SP4: variants seen among roughly 807,000 people sequenced by gnomAD.
SP4 encodes Sp4 transcription factor, also known as transcription factor Sp4.
A neutral mutation model predicts 72.8 loss-of-function variants in SP4; 19 were observed. That is an observed-to-expected ratio of 0.26 (90% CI 0.18 to 0.38). The LOEUF is 0.38. SP4 is among the 10% of genes least tolerant of loss of function. The pLI is 1.00. For synonymous variants in SP4, 395 were observed against 333.1 expected, an observed-to-expected ratio of 1.19 and a Z score of -2.02; for missense variants, 1,008 against 926.3, an observed-to-expected ratio of 1.09 and a Z score of -1.14.
At chr7:21,498,201 T>A (rs1781773176) in intron 5 of SP4, among the ~76,000 whole-genome samples, 1 of 151,998 alleles carries the variant, frequency 6.6e-6, no homozygotes, top group Non-Finnish European at 1.5e-5. Context: ...CTGTAAAAAA[T>A]AATACAAATT....
intron 2 of SP4, 144 bp downstream of exon 2, chr7:21,428,936 T>C: frequency 1.4e-6 from 1 of 698,926 alleles, no homozygotes; most frequent in East Asian, 2.8e-5. Flanking sequence ...AAATTGTAAA[T>C]TCATCAAGTT....
At chr7:21,435,814 C>T (rs1410411812) in intron 3 of SP4, among the ~76,000 whole-genome samples, 1 of 150,812 alleles carries the variant, frequency 6.6e-6, no homozygotes, top group Admixed American at 6.6e-5. Flanking sequence ...GAAAAGTACT[C>T]AAAGTAGAGC....
At chr7:21,506,153 A>G (rs1781993344) in intron 5 of SP4, among the ~76,000 whole-genome samples, 1 of 152,126 alleles carries the variant, frequency 6.6e-6, no homozygotes, top group Admixed American at 6.5e-5. Flanking sequence ...ATTTTCTTAA[A>G]TATTGGAACC....
In SP4 at chr7:21,430,256, C is replaced by A. The variant is rs1306598544; in HGVS notation, c.1091C>A (p.Thr364Lys). The change falls in exon 3 of 6, where the codon ACA becomes AAA. Residue 364 changes from threonine to lysine, a missense_variant. By Grantham distance (78) the Thr-to-Lys change is moderately conservative. This residue lies in a region of SP4 where 893 missense variants were observed against 743.3 expected (regional missense o/e 1.20). Transcript: ENST00000222584. ...GAACGCACCATTGAAGAATCTCAAA[C>A]ACCTGCTGCTACTGAGTCTGAAGCC... ...SSERTIEESQTPAATESEAQS... is the reference protein window; with the variant it reads ...SSERTIEESQKPAATESEAQS... The A allele has an allele frequency of 1.2e-6, 2 of 1,614,110 alleles. No individual in the cohort carries two copies. The highest frequency in any genetic ancestry group is 2.7e-5 in the African/African-American group (2 of 74,930).
chr7:21,429,287 A>C lies in SP4; in HGVS notation c.124-2A>C. On this transcript the variant is annotated splice_acceptor_variant, in intron 2 of 5. Transcript: ENST00000222584. LOFTEE classifies it high-confidence loss of function. Reference sequence around the variant, plus strand: ...TCTCCTTTACCGTCCCATTTTGGGTAGGACTCTCAGCCCTCTCCTCTGGCT... The same window carrying C: ...TCTCCTTTACCGTCCCATTTTGGGTCGGACTCTCAGCCCTCTCCTCTGGCT... The C allele has an allele frequency of 7.4e-7, 1 of 1,342,716 alleles. No homozygotes were observed. Among genetic ancestry groups the C allele is most frequent in the Non-Finnish European group, 1.0e-6 (1 of 969,022 alleles). The allele number at this position is 1,342,716 out of a possible 1,614,324, so 83.2% of individuals were successfully genotyped here.
At chr7:21,462,027 GTTT>G (rs773196151) in intron 3 of SP4, among the ~76,000 whole-genome samples, 2 of 132,816 alleles carry the variant, frequency 1.5e-5, no homozygotes, top group Admixed American at 7.6e-5. Flanking sequence ...TTTAGTTTTA[GTTT>G]TTTTTTTTTT....
chr7:21,464,740 A>G (rs548136854), intron 3 of SP4, among the ~76,000 whole-genome samples: 35 of 152,218 alleles, frequency 2.3e-4, no homozygotes, highest in East Asian at 3.9e-4. Context: ...TAGGCTTCCA[A>G]TTGCAGACTT....
intron 3 of SP4, among the ~76,000 whole-genome samples, chr7:21,440,854 C>T (rs1783220069): frequency 1.9e-5 from 1 of 53,506 alleles, no homozygotes; most frequent in African/African-American, 1.3e-4. Flanking sequence ...TGTCTCAAAA[C>T]AACAACAACA....
intron 4 of SP4, among the ~76,000 whole-genome samples, chr7:21,480,668 A>G (rs1279394081): frequency 6.6e-6 from 1 of 152,154 alleles, no homozygotes; most frequent in African/African-American, 2.4e-5. Context: ...TTTCCCAAGA[A>G]TCTCAATATT....
At position 21,464,741 on chromosome 7, in the gene SP4, T is replaced by G. The variant is rs75821151; in HGVS notation, c.1679-12338T>G. On this transcript the variant is annotated intron_variant, in intron 3 of 5. Transcript: ENST00000222584. ...CCTCACAACCTTCATAGGCTTCCAA[T>G]TGCAGACTTTTCAAGTTATAAAAAC... Among the ~76,000 whole-genome samples the G allele has an allele frequency of 2.2e-3, 335 of 152,228 alleles. 4 individuals are homozygous for G. Among genetic ancestry groups the G allele is most frequent in the African/African-American group, 7.4e-3 (309 of 41,548 alleles).
intron 2 of SP4, among the ~76,000 whole-genome samples, chr7:21,429,073 A>C (rs1782735700): frequency 6.6e-6 from 1 of 152,186 alleles, no homozygotes; most frequent in African/African-American, 2.4e-5. Flanking sequence ...GTTGTAAAGA[A>C]ATTTCCTTTT....
In SP4 at chr7:21,514,645, T is replaced by C. The variant is rs551793529; in HGVS notation, c.*3376T>C. ...GCCTCTGGGGCTGTAATTGACATTTTTACAGTGCTGATTTGTATAAAATTT... is the reference window on the plus strand; with the variant it reads ...GCCTCTGGGGCTGTAATTGACATTTCTACAGTGCTGATTTGTATAAAATTT... On this transcript the variant is annotated 3_prime_UTR_variant, in exon 6 of 6. Transcript: ENST00000222584. 6.6e-6 allele frequency: 1 copy of C among 152,316 alleles called. No homozygotes were observed. Among genetic ancestry groups the C allele is most frequent in the South Asian group, 2.1e-4 (1 of 4,824 alleles). 9.4% of individuals were successfully genotyped at this position (152,316 alleles called of 1,614,324 possible).
At chr7:21,481,183 A>C (rs76463575) in intron 4 of SP4, among the ~76,000 whole-genome samples, 29 of 152,314 alleles carry the variant, frequency 1.9e-4, no homozygotes, top group Non-Finnish European at 3.8e-4. Context: ...TGGTTCTGCT[A>C]CACTTGCCTG....
At chr7:21,435,861 TAA>T (rs1371479805) in intron 3 of SP4, among the ~76,000 whole-genome samples, 1 of 151,854 alleles carries the variant, frequency 6.6e-6, no homozygotes, top group East Asian at 1.9e-4. Context: ...TTTTTTTTTT[TAA>T]GAAGGACTTC....
chr7:21,428,172 C>G lies in SP4; in HGVS notation c.-80C>G. The G allele has an allele frequency of 1.3e-6, 1 of 756,856 alleles. No individual in the cohort carries two copies. The highest frequency in any genetic ancestry group is 2.7e-5 in the East Asian group (1 of 37,310). The allele number at this position is 756,856 out of a possible 1,614,324, so 46.9% of individuals were successfully genotyped here. On this transcript the variant is annotated 5_prime_UTR_variant, in exon 1 of 6. Transcript: ENST00000222584. ...AGCCACCGCGGGCGGGCGGGACCGG[C>G]CTCTCCTCCCGCCTCGCCCCCACCC...
rs1782769132 is a variant in SP4 at position 21,429,748 on chromosome 7, C to A, written c.583C>A (p.Gln195Lys). ...TTCATCTCTACAGGATTTGCAGGGTCAAATTCAGCTCATTTCTGCAGGTAA... is the reference window on the plus strand; with the variant it reads ...TTCATCTCTACAGGATTTGCAGGGTAAAATTCAGCTCATTTCTGCAGGTAA... ...SSSSLQDLQG[Q>K]IQLISAGNNQ... is the part of the protein sequence containing the mutation. The change falls in exon 3 of 6, where the codon CAA becomes AAA. Residue 195 changes from glutamine (Q) to lysine (K), a missense_variant. By Grantham distance (53) the Gln-to-Lys change is moderately conservative. Transcript: ENST00000222584. The A allele has an allele frequency of 1.2e-6, 2 of 1,613,948 alleles. No homozygotes were observed. The highest frequency in any genetic ancestry group is 1.7e-6 in the Non-Finnish European group (2 of 1,179,956).
At chr7:21,439,933 T>A (rs1783186090) in intron 3 of SP4, among the ~76,000 whole-genome samples, 1 of 152,210 alleles carries the variant, frequency 6.6e-6, no homozygotes, top group Admixed American at 6.5e-5. Flanking sequence ...GTAAAATGTT[T>A]AAGACGCAAG....
At chr7:21,465,478 C>G (rs1562605057) in intron 3 of SP4, among the ~76,000 whole-genome samples, 1 of 152,176 alleles carries the variant, frequency 6.6e-6, no homozygotes. Flanking sequence ...ATAACCTCCC[C>G]AAATCTTAGA....
chr7:21,508,773 G>C (rs1028071465), intron 5 of SP4, among the ~76,000 whole-genome samples: 7 of 144,822 alleles, frequency 4.8e-5, no homozygotes, highest in African/African-American at 1.5e-4. Flanking sequence ...CATAGAGTTT[G>C]TGTTTGACCT....
Sources: gnomAD v4.1 joint callset for allele counts (sites outside exome capture counted in the v4.1 genomes callset) on GRCh38, gnomAD v4.1.1 for gene constraint, gnomAD v4.1.1 regional missense constraint, MANE v1.5 for transcripts, NCBI Gene and HGNC (gene_info 2026-07-23, HGNC 2026-07-21) for gene names.